CUL3: variants seen among roughly 807,000 people sequenced by gnomAD.
CUL3 encodes cullin 3.
CUL3 carries 19 observed loss-of-function variants against 89.1 expected under a neutral mutation model. That is an observed-to-expected ratio of 0.21 (90% CI 0.15 to 0.31). The LOEUF (loss-of-function observed/expected upper bound fraction) is 0.31, where lower values mean the gene tolerates loss of function less well. CUL3 is among the 10% of genes least tolerant of loss of function. The pLI is 1.00. For synonymous variants in CUL3, 351 were observed against 308.4 expected, an observed-to-expected ratio of 1.14 and a Z score of -1.45; for missense variants, 469 against 942.3, an observed-to-expected ratio of 0.50 and a Z score of 6.58.
intron 2 of CUL3, among the ~76,000 whole-genome samples, chr2:224,552,238 T>C (rs975187839): frequency 2.6e-5 from 4 of 151,836 alleles, no homozygotes; most frequent in Non-Finnish European, 4.4e-5. Context: ...TTACTTTATT[T>C]AGAAAAAAAG....
intron 1 of CUL3, among the ~76,000 whole-genome samples, chr2:224,560,086 A>G (rs1022612528): frequency 2.0e-5 from 3 of 152,120 alleles, no homozygotes; most frequent in South Asian, 4.2e-4. Flanking sequence ...CTGTCTCAAA[A>G]AAGAAGAAGA....
At chr2:224,502,156 G>A (rs1186274344) in intron 10 of CUL3, among the ~76,000 whole-genome samples, 2 of 152,090 alleles carry the variant, frequency 1.3e-5, no homozygotes, top group African/African-American at 4.8e-5. Flanking sequence ...GTATTTTCAC[G>A]TATCTGGTTT....
chr2:224,539,498 A>G (rs1694015557), intron 2 of CUL3, among the ~76,000 whole-genome samples: 1 of 152,182 alleles, frequency 6.6e-6, no homozygotes, highest in African/African-American at 2.4e-5. Context: ...AAAACCCCAC[A>G]CACAAGTGTT....
intron 1 of CUL3, among the ~76,000 whole-genome samples, chr2:224,575,314 G>C (rs1364145633): frequency 6.6e-6 from 1 of 152,210 alleles, no homozygotes; most frequent in East Asian, 1.9e-4. Context: ...CAGAGGCACT[G>C]AGAGTCCAGC....
intron 3 of CUL3, among the ~76,000 whole-genome samples, chr2:224,515,622 C>A (rs929339813): frequency 6.6e-6 from 1 of 151,926 alleles, no homozygotes; most frequent in South Asian, 2.1e-4. Context: ...TTATAGCTAA[C>A]GATAAGGTGA....
intron 13 of CUL3, among the ~76,000 whole-genome samples, chr2:224,490,952 G>A (rs1019733664): frequency 6.6e-6 from 1 of 151,716 alleles, no homozygotes; most frequent in African/African-American, 2.4e-5. Context: ...GATATCTCAC[G>A]TATCCCATAA....
chr2:224,501,721 G>C (rs1692395863), intron 10 of CUL3, among the ~76,000 whole-genome samples: 1 of 152,158 alleles, frequency 6.6e-6, no homozygotes, highest in African/African-American at 2.4e-5. Flanking sequence ...GGTGTACTGG[G>C]GGAGGTGGAG....
rs549872795 is a variant in CUL3, at chr2:224,536,354, T to C, written c.265-713A>G. ...CTTTATTTTGCTCAAATTTCATCTC[T>C]GGAGAAGTCTTTCCCAACCAATTAC... is the stretch of plus-strand genomic sequence containing the variant. On this transcript the variant is annotated intron_variant, in intron 2 of 15. Coordinates refer to ENST00000264414, the MANE Select transcript of CUL3 (RefSeq NM_003590.5). Among the ~76,000 whole-genome samples the C allele has an allele frequency of 1.3e-3, 195 of 152,322 alleles. 1 individual carries two copies. In the South Asian group the frequency reaches 0.017, roughly 13 times the overall value.
intron 1 of CUL3, among the ~76,000 whole-genome samples, chr2:224,560,087 A>G (rs375499695): frequency 6.6e-6 from 1 of 152,098 alleles, no homozygotes. Context: ...TGTCTCAAAA[A>G]AGAAGAAGAA....
chr2:224,512,007 T>C (rs1027636735), intron 5 of CUL3, among the ~76,000 whole-genome samples: 1 of 152,202 alleles, frequency 6.6e-6, no homozygotes, highest in African/African-American at 2.4e-5. Flanking sequence ...GTTAATTAAG[T>C]CTTCCAGTGC....
At chr2:224,551,012 A>G (rs1432754839) in intron 2 of CUL3, among the ~76,000 whole-genome samples, 1 of 150,810 alleles carries the variant, frequency 6.6e-6, no homozygotes, top group African/African-American at 2.4e-5. Context: ...TTAGCTCCCT[A>G]CTTATGATGG....
intron 2 of CUL3, among the ~76,000 whole-genome samples, chr2:224,543,693 G>A (rs184337492): frequency 5.3e-5 from 8 of 152,214 alleles, no homozygotes; most frequent in Admixed American, 2.0e-4. Context: ...AAAAAGTTTC[G>A]GATTTTGGCC....
chr2:224,500,261 T>A, intron 11 of CUL3, 102 bp downstream of exon 11: 2 of 1,337,738 alleles, frequency 1.5e-6, no homozygotes. Flanking sequence ...AGGTAATAAA[T>A]GGAATACATT....
chr2:224,524,199 C>G (rs1356330303), intron 3 of CUL3, among the ~76,000 whole-genome samples: 1 of 152,128 alleles, frequency 6.6e-6, no homozygotes, highest in East Asian at 1.9e-4. Context: ...AGAGGAGCCC[C>G]ATACCAGCCT....
At chr2:224,499,998 A>C in intron 11 of CUL3, 1 of 166,696 alleles carries the variant, frequency 6.0e-6, no homozygotes, top group Admixed American at 6.1e-5. Flanking sequence ...GGAATAAGGT[A>C]TCCACGTATT....
intron 8 of CUL3, among the ~76,000 whole-genome samples, chr2:224,505,401 T>C (rs943291132): frequency 1.3e-5 from 2 of 152,134 alleles, no homozygotes; most frequent in South Asian, 4.1e-4. Context: ...CCTCCCAAAG[T>C]GCTGAGATTA....
In CUL3 at chr2:224,530,781, C is replaced by A. The variant is rs1179330177; in HGVS notation, c.378+4747G>T. ...AATTAGCCAGGTGTGGTGGCATGCA[C>A]CTGTAGTCCTAACTACTCAGGAGGC... On this transcript the variant is annotated intron_variant, in intron 3 of 15. Coordinates refer to ENST00000264414, the MANE Select transcript of CUL3 (RefSeq NM_003590.5). 2.6e-5 allele frequency among the ~76,000 whole-genome samples: 4 copies of A among 152,158 alleles called. No individual in the cohort carries two copies. In the East Asian group the frequency reaches 7.8e-4, roughly 30 times the overall value.
rs777243450 is a variant in CUL3 at position 224,482,093 on chromosome 2, G to T, written c.1843-15C>A. 5.1e-6 allele frequency: 8 copies of T among 1,575,746 alleles called. No individual in the cohort carries two copies. The highest frequency in any genetic ancestry group is 1.7e-4 in the Middle Eastern group (1 of 5,728). On this transcript the variant is annotated splice_polypyrimidine_tract_variant and intron_variant, in intron 13 of 15. Transcript: ENST00000264414. ...TGCTGAATTTCCTGAAATTTCATCA[G>T]ATTAACATAATTAGACTTTTTGAAA...
chr2:224,568,722 G>GA (rs34107490), intron 1 of CUL3, among the ~76,000 whole-genome samples: 14 of 151,858 alleles, frequency 9.2e-5, no homozygotes, highest in African/African-American at 3.4e-4. Context: ...TATTAACTGG[G>GA]AAAAAAAGGG....
Sources: allele counts gnomAD v4.1 joint callset (sites outside exome capture counted in the v4.1 genomes callset), GRCh38; gene constraint gnomAD v4.1.1; transcripts MANE v1.5; gene names NCBI Gene and HGNC (gene_info 2026-07-23, HGNC 2026-07-21).